Variants in MAG observed in about 807,000 individuals in gnomAD.
MAG encodes myelin-associated glycoprotein.
MAG carries 30 observed loss-of-function variants against 60.7 expected under a neutral mutation model. That is an observed-to-expected ratio of 0.49 (90% CI 0.37 to 0.67). MAG has a LOEUF of 0.67. Ranked by LOEUF, MAG falls within the 30% of genes least tolerant of loss-of-function variation. The probability of loss-of-function intolerance (pLI) is 0.00; values close to 1 mark genes in which losing one functional copy is unlikely to be tolerated. For missense variants in MAG, 795 were observed against 851.7 expected, an observed-to-expected ratio of 0.93 and a Z score of 0.83; for synonymous variants, 384 against 376.8, an observed-to-expected ratio of 1.02 and a Z score of -0.22.
In MAG at chr19:35,295,423, G is replaced by A. The variant is rs201625172; in HGVS notation, c.15G>A (p.Thr5=). The change falls in exon 3 of 11, where the codon ACG becomes ACA. Residue 5 remains threonine (T), a synonymous_variant. Transcript: ENST00000392213. The surrounding 1 kb of genome is among the most constrained non-coding windows in gnomAD (Gnocchi z 5.8). The part of the protein sequence containing the change: MIFL[T]ALPLFWIMIS... Reference sequence around the variant, plus strand: ...CGCTGTACAGAATGATATTCCTCACGGCACTGCCTCTGTTCTGGATTATGA... The same window carrying A: ...CGCTGTACAGAATGATATTCCTCACAGCACTGCCTCTGTTCTGGATTATGA... 27 of 1,613,802 alleles carry A rather than the reference G, an allele frequency of 1.7e-5. No homozygotes were observed. The highest frequency in any genetic ancestry group is 2.2e-5 in the East Asian group (1 of 44,896).
chr19:35,297,864 C>T (rs532043764), intron 4 of MAG, among the ~76,000 whole-genome samples: 43 of 150,904 alleles, frequency 2.8e-4, no homozygotes, highest in Non-Finnish European at 4.9e-4. Context: ...CCACACACCA[C>T]ACACACAACA....
chr19:35,293,061 T>A lies in MAG; in HGVS notation c.-80+857T>A, dbSNP rs1486318243. The stretch of plus-strand genomic sequence containing the variant: ...CATCCCGAGAACTTGTTTTCCCCGC[T>A]GTTAAGAGTGCATGGTCTACCTGCT... On this transcript the variant is annotated intron_variant, in intron 1 of 10. Coordinates refer to ENST00000392213, the MANE Select transcript of MAG (RefSeq NM_002361.4). This position sits in a 1 kb window ranked among gnomAD's most constrained non-coding sequence, Gnocchi z 4.0. Among the ~76,000 whole-genome samples the A allele has an allele frequency of 6.6e-6, 1 of 152,104 alleles. No individual in the cohort carries two copies. Among genetic ancestry groups the A allele is most frequent in the Non-Finnish European group, 1.5e-5 (1 of 68,006 alleles).
Position 35,300,232 on chromosome 19 carries a change from C to T in MAG, c.798C>T (p.Asn266=), listed in dbSNP as rs201453285. ...GCCTGCTCTGTGGGGCTGACAGCAA[C>T]CCCCCGCCGCTGCTGACCTGGATGC... ...HVSLLCGADS[N]PPPLLTWMRD... is the part of the protein sequence containing the mutation. Residue 266 remains asparagine (N), a synonymous_variant, in exon 6 of 11, where the codon AAC becomes AAT. Coordinates refer to ENST00000392213, the MANE Select transcript of MAG (RefSeq NM_002361.4). 8.2e-6 allele frequency: 13 copies of T among 1,583,530 alleles called. No homozygotes were observed. The highest frequency in any genetic ancestry group is 1.7e-4 in the Middle Eastern group (1 of 5,998).
At chr19:35,292,235 G>A in intron 1 of MAG, 31 bp downstream of exon 1, 1 of 456,140 alleles carries the variant, frequency 2.2e-6, no homozygotes. Flanking sequence ...GCCAGGGCAA[G>A]GGGAGCAGGG....
In MAG at chr19:35,302,555, T is replaced by C. The variant is rs2066456321; in HGVS notation, c.1078T>C (p.Phe360Leu). 1 of 1,614,230 alleles carries C rather than the reference T, an allele frequency of 6.2e-7. No individual in the cohort carries two copies. The highest frequency in any genetic ancestry group is 1.3e-5 in the African/African-American group (1 of 75,052). Reference sequence around the variant, plus strand: ...CAACCCGGACCCTATTCTCACCATCTTCAAGGAGAAGCAGATCCTGTCCAC... The same window carrying C: ...CAACCCGGACCCTATTCTCACCATCCTCAAGGAGAAGCAGATCCTGTCCAC... The part of the protein sequence containing the change: ...QSNPDPILTI[F>L]KEKQILSTVI... The change falls in exon 7 of 11, where the codon TTC (phenylalanine) becomes CTC (leucine). Residue 360 changes from phenylalanine to leucine, a missense_variant. Coordinates refer to ENST00000392213, the MANE Select transcript of MAG (RefSeq NM_002361.4).
intron 7 of MAG, among the ~76,000 whole-genome samples, chr19:35,305,407 G>A (rs903865349): frequency 6.6e-6 from 1 of 152,166 alleles, no homozygotes; most frequent in African/African-American, 2.4e-5. Flanking sequence ...GAACTAGCTT[G>A]AGTACGTTGT....
intron 7 of MAG, among the ~76,000 whole-genome samples, chr19:35,306,483 G>T (rs767584402): frequency 2.6e-5 from 4 of 152,114 alleles, no homozygotes; most frequent in African/African-American, 4.8e-5. Context: ...TGTTGCCCAG[G>T]CTGGAATGCA....
chr19:35,297,156 C>CCA (rs984374753), intron 4 of MAG, among the ~76,000 whole-genome samples: 9 of 147,528 alleles, frequency 6.1e-5, no homozygotes, highest in Admixed American at 6.8e-5. Flanking sequence ...CAAACACACA[C>CCA]CACACACACA....
chr19:35,310,549 C>G lies in MAG; in HGVS notation c.1522C>G (p.Arg508Gly). 6.2e-7 allele frequency: 1 copy of G among 1,614,112 alleles called. No individual in the cohort carries two copies. Among genetic ancestry groups the G allele is most frequent in the African/African-American group, 1.3e-5 (1 of 75,064 alleles). The change falls in exon 9 of 11, where the codon CGA becomes GGA. Residue 508 changes from arginine (R) to glycine (G), a missense_variant and splice_region_variant. Coordinates refer to ENST00000392213, the MANE Select transcript of MAG (RefSeq NM_002361.4). ...GCCTGGGTCTTTTCTGTCCTCAGAT[C>G]GACTGATGTGGGCCAAGATCGGGCC... is the stretch of plus-strand genomic sequence containing the variant. ...SLELPFQGAH[R>G]LMWAKIGPVG...
At chr19:35,313,248 G>A in intron 10 of MAG, 42 bp from the exon 11 acceptor site, 1 of 1,578,194 alleles carries the variant, frequency 6.3e-7, no homozygotes, top group Non-Finnish European at 8.6e-7. Context: ...TTGGGAAAAG[G>A]CAGGGAGCAG....
intron 7 of MAG, among the ~76,000 whole-genome samples, chr19:35,309,358 C>G (rs1333992769): frequency 6.6e-6 from 1 of 152,124 alleles, no homozygotes; most frequent in African/African-American, 2.4e-5. Context: ...CAGACACGTC[C>G]GTGAGGGTCA....
At chr19:35,303,967 G>A (rs1159580523) in intron 7 of MAG, among the ~76,000 whole-genome samples, 1 of 152,056 alleles carries the variant, frequency 6.6e-6, no homozygotes, top group Non-Finnish European at 1.5e-5. Flanking sequence ...TCACCTCTCT[G>A]GTCTTCACGA....
intron 7 of MAG, among the ~76,000 whole-genome samples, chr19:35,307,136 G>A (rs1009756158): frequency 1.3e-5 from 2 of 152,236 alleles, no homozygotes; most frequent in African/African-American, 4.8e-5. Context: ...TATGTCTGTC[G>A]GTTCAGGTTC....
rs1487268357 is a variant in MAG at position 35,313,645 on chromosome 19, C to T, written c.*191C>T. 2.4e-5 allele frequency: 14 copies of T among 580,278 alleles called. No homozygotes were observed. The East Asian group carries it at 4.1e-4, about 17-fold the overall frequency. 35.9% of individuals were successfully genotyped at this position (580,278 alleles called of 1,614,324 possible). A position where few individuals can be genotyped will look rare whatever the true frequency, so the allele number is the denominator to read the frequency against. On this transcript the variant is annotated 3_prime_UTR_variant, in exon 11 of 11. Transcript: ENST00000392213. ...GCCCCTCCCTGCCAGCACCCCCACGCCCTCATTACGGCTCCTCTCTAACCT... is the reference window on the plus strand; with the variant it reads ...GCCCCTCCCTGCCAGCACCCCCACGTCCTCATTACGGCTCCTCTCTAACCT...
Position 35,295,325 on chromosome 19 carries a change from C to A in MAG, c.-23-61C>A. 2 of 1,409,072 alleles carry A rather than the reference C, an allele frequency of 1.4e-6. No homozygotes were observed. The highest frequency in any genetic ancestry group is 2.0e-6 in the Non-Finnish European group (2 of 1,007,022). The allele number at this position is 1,409,072 out of a possible 1,614,324, so 87.3% of individuals were successfully genotyped here. A position where few individuals can be genotyped will look rare whatever the true frequency, so the allele number is the denominator to read the frequency against. On this transcript the variant is annotated intron_variant, in intron 2 of 10. Coordinates refer to ENST00000392213, the MANE Select transcript of MAG (RefSeq NM_002361.4). The surrounding 1 kb of genome is among the most constrained non-coding windows in gnomAD (Gnocchi z 5.8). ...CATATGAATGGGCCCCTTCCTGAAG[C>A]CCAGATGGAACACCCCCTTTCACTT...
At chr19:35,308,227 G>C (rs2066499231) in intron 7 of MAG, among the ~76,000 whole-genome samples, 1 of 152,188 alleles carries the variant, frequency 6.6e-6, no homozygotes, top group African/African-American at 2.4e-5. Flanking sequence ...CATGGGTAGA[G>C]GCCAGTTTGG....
At chr19:35,309,744 T>G in intron 7 of MAG, 130 bp from the exon 8 acceptor site, 3 of 937,820 alleles carry the variant, frequency 3.2e-6, no homozygotes, top group Non-Finnish European at 4.9e-6. Flanking sequence ...GGAGGGGAAA[T>G]TGGAGGGCCC....
rs200067718 is a variant in MAG at position 35,295,967 on chromosome 19, T to C, written c.401T>C (p.Val134Ala). Residue 134 changes from valine (V) to alanine (A), a missense_variant, in exon 4 of 11, where the codon GTC becomes GCC. By Grantham distance (64) the Val-to-Ala change is moderately conservative. Transcript: ENST00000392213. The surrounding 1 kb of genome is among the most constrained non-coding windows in gnomAD (Gnocchi z 5.8). The stretch of plus-strand genomic sequence containing the variant: ...CAGTACACCTTCTCAGAGCACAGCG[T>C]CCTGGATATCGTCAGTGAGTCCCCA... ...YNQYTFSEHS[V>A]LDIVNTPNIV... 29 of 1,582,874 alleles carry C rather than the reference T, an allele frequency of 1.8e-5. No homozygotes were observed. The South Asian group carries it at 3.3e-4, about 18-fold the overall frequency.
At chr19:35,299,213 T>G (rs1234173113) in intron 4 of MAG, among the ~76,000 whole-genome samples, 2 of 152,330 alleles carry the variant, frequency 1.3e-5, no homozygotes, top group African/African-American at 4.8e-5. Flanking sequence ...TGGTGCCAGC[T>G]GCAGCCTCAG....
Sources: gnomAD v4.1 joint callset for allele counts (sites outside exome capture counted in the v4.1 genomes callset) on GRCh38, gnomAD v4.1.1 for gene constraint, Gnocchi (gnomAD v3.1) non-coding constraint, MANE v1.5 for transcripts, NCBI Gene and HGNC (gene_info 2026-07-23, HGNC 2026-07-21) for gene names.